CMTM3: variants seen among roughly 807,000 people sequenced by gnomAD.
CMTM3 encodes the protein CKLF-like MARVEL transmembrane domain-containing protein 3.
Under a neutral mutation model 18.2 loss-of-function variants are expected in CMTM3, and 7 were observed. The ratio of observed to expected loss-of-function variants is 0.38; its 90% CI spans 0.22 to 0.72. The LOEUF is 0.72. Among genes scored for constraint, CMTM3 ranks in the 30% least tolerant of loss-of-function variants. CMTM3 has a pLI of 0.46. For synonymous variants in CMTM3, 109 were observed against 111.2 expected, an observed-to-expected ratio of 0.98 and a Z score of 0.12; for missense variants, 227 against 249.2, an observed-to-expected ratio of 0.91 and a Z score of 0.60.
Position 66,613,010 on chromosome 16 carries a change from T to G in CMTM3, c.*373T>G. 1.4e-6 allele frequency: 1 copy of G among 702,092 alleles called. No individual in the cohort carries two copies. The highest frequency in any genetic ancestry group is 2.6e-6 in the Non-Finnish European group (1 of 384,296). The allele number at this position is 702,092 out of a possible 1,614,324, so 43.5% of individuals were successfully genotyped here. A position where few individuals can be genotyped will look rare whatever the true frequency, so the allele number is the denominator to read the frequency against. The stretch of plus-strand genomic sequence containing the variant: ...TAGGTGGCGGGGGTCGGGGGTCTTC[T>G]GTTTCACTAACAGGAACAAAGACAG... On this transcript the variant is annotated 3_prime_UTR_variant, in exon 5 of 5. Transcript: ENST00000567572.
chr16:66,609,276 G>T lies in CMTM3; in HGVS notation c.304-159G>T. 1 of 627,738 alleles carries T rather than the reference G, an allele frequency of 1.6e-6. No individual in the cohort carries two copies. 38.9% of individuals were successfully genotyped at this position (627,738 alleles called of 1,614,324 possible). On this transcript the variant is annotated intron_variant, in intron 2 of 4. Transcript: ENST00000567572. The surrounding 1 kb of genome is among the most constrained non-coding windows in gnomAD (Gnocchi z 4.4). ...CTGGCAAGGCAGCAGAGGCACCTCG[G>T]GGGTGGGACAAGGGCCTAGGCATGT...
At chr16:66,611,463 G>A (rs973148023) in intron 4 of CMTM3, among the ~76,000 whole-genome samples, 7 of 151,936 alleles carry the variant, frequency 4.6e-5, no homozygotes, top group African/African-American at 1.5e-4. Flanking sequence ...GGAAAAAATT[G>A]AATATAGCAA....
Position 66,613,451 on chromosome 16 carries a change from CA to C in CMTM3, c.*815del. On this transcript the variant is annotated 3_prime_UTR_variant, in exon 5 of 5. Transcript: ENST00000567572. ...CAGCAGGCAGGAGTTCCTGGACCCT[CA>C]GGACAGTGAACTTCCAGACCTCAGG... The C allele has an allele frequency of 3.1e-6, 1 of 324,080 alleles. No individual in the cohort carries two copies. The highest frequency in any genetic ancestry group is 5.8e-6 in the Non-Finnish European group (1 of 173,474). 20.1% of individuals were successfully genotyped at this position (324,080 alleles called of 1,614,324 possible). A position where few individuals can be genotyped will look rare whatever the true frequency, so the allele number is the denominator to read the frequency against.
At position 66,612,122 on chromosome 16, in the gene CMTM3, G is replaced by A. The variant is rs927776566; in HGVS notation, c.521-487G>A. On this transcript the variant is annotated intron_variant, in intron 4 of 4. Coordinates refer to ENST00000567572, the MANE Select transcript of CMTM3 (RefSeq NM_181553.4). This position sits in a 1 kb window ranked among gnomAD's most constrained non-coding sequence, Gnocchi z 6.0. ...CCGCACCCACACCCTGGAGGTGCAA[G>A]TGGCTTCTGCGGCCGGGCACGGTGG... 6.6e-6 allele frequency among the ~76,000 whole-genome samples: 1 copy of A among 152,132 alleles called. No individual in the cohort carries two copies. The highest frequency in any genetic ancestry group is 6.5e-5 in the Admixed American group (1 of 15,282).
chr16:66,604,820 C>T lies in CMTM3; in HGVS notation c.15C>T (p.Asp5=), dbSNP rs1019880071. Residue 5 remains aspartate (D), a synonymous_variant, in exon 1 of 5, where the codon GAC becomes GAT. Coordinates refer to ENST00000567572, the MANE Select transcript of CMTM3 (RefSeq NM_181553.4). MWPP[D]PDPDPDPEPA... is the part of the protein sequence containing the mutation. The stretch of plus-strand genomic sequence containing the variant: ...CCGCCGCCGCCATGTGGCCCCCAGA[C>T]CCCGACCCCGACCCGGACCCCGAGC... 2.8e-5 allele frequency: 37 copies of T among 1,301,902 alleles called. No homozygotes were observed. The highest frequency in any genetic ancestry group is 3.6e-5 in the Non-Finnish European group (37 of 1,031,282). 80.6% of individuals were successfully genotyped at this position (1,301,902 alleles called of 1,614,324 possible).
At chr16:66,604,977 G>A in intron 1 of CMTM3, 25 bp downstream of exon 1, 3 of 1,467,336 alleles carry the variant, frequency 2.0e-6, no homozygotes, top group South Asian at 1.3e-5. Flanking sequence ...ACCCTCGGCC[G>A]CCCCGCTAGG....
At position 66,612,363 on chromosome 16, in the gene CMTM3, G is replaced by C. The variant is rs2015409866; in HGVS notation, c.521-246G>C. Among the ~76,000 whole-genome samples, 3 of 152,134 alleles carry C rather than the reference G, an allele frequency of 2.0e-5. No homozygotes were observed. Among genetic ancestry groups the C allele is most frequent in the Admixed American group, 6.5e-5 (1 of 15,276 alleles). ...GCACTCCAGCCTGGGTGATGAGCAAGACTCTGTCTCAAAGACAAAAAACAA... is the reference window on the plus strand; with the variant it reads ...GCACTCCAGCCTGGGTGATGAGCAACACTCTGTCTCAAAGACAAAAAACAA... On this transcript the variant is annotated intron_variant, in intron 4 of 4. Transcript: ENST00000567572. The surrounding 1 kb of genome is among the most constrained non-coding windows in gnomAD (Gnocchi z 6.0).
chr16:66,612,178 G>C lies in CMTM3; in HGVS notation c.521-431G>C, dbSNP rs1379615886. Among the ~76,000 whole-genome samples, 1 of 152,222 alleles carries C rather than the reference G, an allele frequency of 6.6e-6. No individual in the cohort carries two copies. The highest frequency in any genetic ancestry group is 2.4e-5 in the African/African-American group (1 of 41,466). On this transcript the variant is annotated intron_variant, in intron 4 of 4. Coordinates refer to ENST00000567572, the MANE Select transcript of CMTM3 (RefSeq NM_181553.4). The surrounding 1 kb of genome is among the most constrained non-coding windows in gnomAD (Gnocchi z 6.0). The stretch of plus-strand genomic sequence containing the variant: ...GCCTGTTACCCCAGCACTTTGGGAG[G>C]CTGAGGTGGGTAGATCACCTGAGGT...
upstream of CMTM3, chr16:66,604,164 C>T: frequency 6.6e-6 from 1 of 152,586 alleles, no homozygotes; most frequent in Non-Finnish European, 1.5e-5. Flanking sequence ...TGTGTGTGTG[C>T]CTGGAGCTGC....
chr16:66,608,580 G>C lies in CMTM3; in HGVS notation c.303+116G>C. 3.9e-6 allele frequency: 4 copies of C among 1,015,638 alleles called. No homozygotes were observed. The highest frequency in any genetic ancestry group is 3.2e-4 in the Middle Eastern group (1 of 3,120). 62.9% of individuals were successfully genotyped at this position (1,015,638 alleles called of 1,614,324 possible). A position where few individuals can be genotyped will look rare whatever the true frequency, so the allele number is the denominator to read the frequency against. Reference sequence around the variant, plus strand: ...CTCTAGTGTGCTGGAGTTTGCAGTTGGTTAGAACTGGATGGAGAGACCCAG... The same window carrying C: ...CTCTAGTGTGCTGGAGTTTGCAGTTCGTTAGAACTGGATGGAGAGACCCAG... On this transcript the variant is annotated intron_variant, in intron 2 of 4. Coordinates refer to ENST00000567572, the MANE Select transcript of CMTM3 (RefSeq NM_181553.4). The surrounding 1 kb of genome is among the most constrained non-coding windows in gnomAD (Gnocchi z 5.1).
In CMTM3 at chr16:66,612,143, G is replaced by A. The variant is rs114340695; in HGVS notation, c.521-466G>A. On this transcript the variant is annotated intron_variant, in intron 4 of 4. Coordinates refer to ENST00000567572, the MANE Select transcript of CMTM3 (RefSeq NM_181553.4). This position sits in a 1 kb window ranked among gnomAD's most constrained non-coding sequence, Gnocchi z 6.0. ...GCAAGTGGCTTCTGCGGCCGGGCACGGTGGCTCACGCCTGTTACCCCAGCA... is the reference window on the plus strand; with the variant it reads ...GCAAGTGGCTTCTGCGGCCGGGCACAGTGGCTCACGCCTGTTACCCCAGCA... Among the ~76,000 whole-genome samples, 292 of 152,232 alleles carry A rather than the reference G, an allele frequency of 1.9e-3. 1 individual carries two copies. The highest frequency in any genetic ancestry group is 6.6e-3 in the African/African-American group (274 of 41,546).
In CMTM3 at chr16:66,612,441, G is replaced by A. The variant is rs527724920; in HGVS notation, c.521-168G>A. 4.6e-5 allele frequency among the ~76,000 whole-genome samples: 7 copies of A among 152,104 alleles called. No individual in the cohort carries two copies. The South Asian group carries it at 1.5e-3, about 32-fold the overall frequency. On this transcript the variant is annotated intron_variant, in intron 4 of 4. Transcript: ENST00000567572. This position sits in a 1 kb window ranked among gnomAD's most constrained non-coding sequence, Gnocchi z 6.0. Reference sequence around the variant, plus strand: ...TGGCTGCTGCCTGTGGAGGGCCTCAGGCCCGCGGCCTGCCCTGATGCCAGC... The same window carrying A: ...TGGCTGCTGCCTGTGGAGGGCCTCAAGCCCGCGGCCTGCCCTGATGCCAGC...
rs1399180086 is a variant in CMTM3, at chr16:66,608,777, A to G, written c.303+313A>G. Reference sequence around the variant, plus strand: ...AATGAGCTGCCGCCACAGGAATTCAAGCCATTTCCACGTGGGCAGGACAGG... The same window carrying G: ...AATGAGCTGCCGCCACAGGAATTCAGGCCATTTCCACGTGGGCAGGACAGG... On this transcript the variant is annotated intron_variant, in intron 2 of 4. Coordinates refer to ENST00000567572, the MANE Select transcript of CMTM3 (RefSeq NM_181553.4). The surrounding 1 kb of genome is among the most constrained non-coding windows in gnomAD (Gnocchi z 5.1). Among the ~76,000 whole-genome samples, 1 of 152,216 alleles carries G rather than the reference A, an allele frequency of 6.6e-6. No homozygotes were observed. Among genetic ancestry groups the G allele is most frequent in the Non-Finnish European group, 1.5e-5 (1 of 68,040 alleles).
Position 66,608,029 on chromosome 16 carries a change from C to T in CMTM3, c.148-280C>T, listed in dbSNP as rs1450099658. On this transcript the variant is annotated intron_variant, in intron 1 of 4. Transcript: ENST00000567572. The surrounding 1 kb of genome is among the most constrained non-coding windows in gnomAD (Gnocchi z 5.1). Reference sequence around the variant, plus strand: ...CCCGGCTAATTTTTGTATATTTTGCCGAGATGAGGTTTTGCCATGTTGCCC... The same window carrying T: ...CCCGGCTAATTTTTGTATATTTTGCTGAGATGAGGTTTTGCCATGTTGCCC... Among the ~76,000 whole-genome samples the T allele has an allele frequency of 1.3e-5, 2 of 152,028 alleles. No homozygotes were observed. The highest frequency in any genetic ancestry group is 2.1e-4 in the South Asian group (1 of 4,830).
rs1289692209 is a variant in CMTM3 at position 66,608,128 on chromosome 16, G to T, written c.148-181G>T. 6.6e-6 allele frequency among the ~76,000 whole-genome samples: 1 copy of T among 152,174 alleles called. No individual in the cohort carries two copies. The highest frequency in any genetic ancestry group is 6.5e-5 in the Admixed American group (1 of 15,278). ...CTCAAAGTGCTAGGATTACAGGTGT[G>T]AGCCACTGTGCTTGGCCTGGGATTC... is the stretch of plus-strand genomic sequence containing the variant. On this transcript the variant is annotated intron_variant, in intron 1 of 4. Coordinates refer to ENST00000567572, the MANE Select transcript of CMTM3 (RefSeq NM_181553.4). The surrounding 1 kb of genome is among the most constrained non-coding windows in gnomAD (Gnocchi z 5.1).
In CMTM3 at chr16:66,604,766, G is replaced by A; in HGVS notation, c.-40G>A. ...CGCTTCCCTCCGGGCGCGAGAAGAG[G>A]GGAGCCAGGCCGAGCCCCGGCCCTA... On this transcript the variant is annotated 5_prime_UTR_variant, in exon 1 of 5. Coordinates refer to ENST00000567572, the MANE Select transcript of CMTM3 (RefSeq NM_181553.4). 2 of 1,221,326 alleles carry A rather than the reference G, an allele frequency of 1.6e-6. No individual in the cohort carries two copies. Among genetic ancestry groups the A allele is most frequent in the Non-Finnish European group, 2.0e-6 (2 of 981,832 alleles). 75.7% of individuals were successfully genotyped at this position (1,221,326 alleles called of 1,614,324 possible).
Position 66,612,655 on chromosome 16 carries a change from TG to T in CMTM3, c.*20del, listed in dbSNP as rs767789794. 1.4e-4 allele frequency: 227 copies of T among 1,613,546 alleles called. 3 individuals carry two copies. The South Asian group carries it at 2.3e-3, about 16-fold the overall frequency. On this transcript the variant is annotated 3_prime_UTR_variant, in exon 5 of 5. Coordinates refer to ENST00000567572, the MANE Select transcript of CMTM3 (RefSeq NM_181553.4). The surrounding 1 kb of genome is among the most constrained non-coding windows in gnomAD (Gnocchi z 6.0). ...CTGACTGAAGGCCTGGCGGGTGCCT[TG>T]GCAACCTGAGCCACACAGGCCTCCA...
In CMTM3 at chr16:66,610,074, G is replaced by A; in HGVS notation, c.520+71G>A. The A allele has an allele frequency of 6.3e-7, 1 of 1,583,036 alleles. No homozygotes were observed. Among genetic ancestry groups the A allele is most frequent in the Non-Finnish European group, 8.6e-7 (1 of 1,159,606 alleles). On this transcript the variant is annotated intron_variant, in intron 4 of 4. Coordinates refer to ENST00000567572, the MANE Select transcript of CMTM3 (RefSeq NM_181553.4). The surrounding 1 kb of genome is among the most constrained non-coding windows in gnomAD (Gnocchi z 4.6). ...TGCCCTCCCTCGGGGATGCCAGCTAGTTTGAGGCTGGGGTGGGATCATTTC... is the reference window on the plus strand; with the variant it reads ...TGCCCTCCCTCGGGGATGCCAGCTAATTTGAGGCTGGGGTGGGATCATTTC...
In CMTM3 at chr16:66,612,924, C is replaced by A; in HGVS notation, c.*287C>A. 1 of 626,542 alleles carries A rather than the reference C, an allele frequency of 1.6e-6. No homozygotes were observed. Among genetic ancestry groups the A allele is most frequent in the Non-Finnish European group, 2.9e-6 (1 of 348,418 alleles). 38.8% of individuals were successfully genotyped at this position (626,542 alleles called of 1,614,324 possible). The stretch of plus-strand genomic sequence containing the variant: ...AGCCCTTTAACGTCTCTGCCAAAAA[C>A]CAGCACAAGGAGACAAAGCAGAGCC... On this transcript the variant is annotated 3_prime_UTR_variant, in exon 5 of 5. Transcript: ENST00000567572. This position sits in a 1 kb window ranked among gnomAD's most constrained non-coding sequence, Gnocchi z 6.0.
Sources: gnomAD v4.1 joint callset for allele counts (sites outside exome capture counted in the v4.1 genomes callset) on GRCh38, gnomAD v4.1.1 for gene constraint, Gnocchi (gnomAD v3.1) non-coding constraint, MANE v1.5 for transcripts, NCBI Gene and HGNC (gene_info 2026-07-23, HGNC 2026-07-21) for gene names.